Variants in SPOCK1 observed in about 807,000 individuals in gnomAD.
SPOCK1 encodes the protein testican-1.
SPOCK1 carries 23 observed loss-of-function variants against 55.3 expected under a neutral mutation model. The ratio of observed to expected loss-of-function variants is 0.42; its 90% CI spans 0.30 to 0.59. SPOCK1 has a LOEUF of 0.59. SPOCK1 is among the 20% of genes least tolerant of loss of function. SPOCK1 has a pLI of 0.22. For missense variants in SPOCK1, 499 were observed against 552.5 expected (o/e 0.90, Z 0.97); for synonymous variants, 226 against 221.0 (o/e 1.02, Z -0.20).
At chr5:137,269,210 G>A (rs1361565017) in intron 2 of SPOCK1, among the ~76,000 whole-genome samples, 1 of 152,222 alleles carries the variant, frequency 6.6e-6, no homozygotes, top group East Asian at 1.9e-4. Context: ...CTGCCAAAAT[G>A]TGAAAGTACA....
At chr5:137,125,394 G>A (rs1255333418) in intron 4 of SPOCK1, among the ~76,000 whole-genome samples, 1 of 152,160 alleles carries the variant, frequency 6.6e-6, no homozygotes, top group Non-Finnish European at 1.5e-5. Flanking sequence ...AACTGCTGTA[G>A]ATCAAATGTC....
At chr5:137,099,639 CAT>C (rs747639826) in intron 5 of SPOCK1, among the ~76,000 whole-genome samples, 4 of 150,304 alleles carry the variant, frequency 2.7e-5, no homozygotes, top group Admixed American at 1.3e-4. Context: ...TGTATATGTA[CAT>C]GTGTGTGTAT....
chr5:137,163,774 C>A (rs1214373422), intron 3 of SPOCK1, among the ~76,000 whole-genome samples: 1 of 152,154 alleles, frequency 6.6e-6, no homozygotes, highest in Non-Finnish European at 1.5e-5. Flanking sequence ...GAGCTAAGAT[C>A]AATCACTCAG....
chr5:137,420,523 T>C (rs980688320), intron 2 of SPOCK1, among the ~76,000 whole-genome samples: 7 of 152,208 alleles, frequency 4.6e-5, no homozygotes, highest in African/African-American at 1.4e-4. Context: ...GGTTTAGGCT[T>C]GGGAGTTTGT....
At chr5:137,304,429 A>G (rs1038317248) in intron 2 of SPOCK1, among the ~76,000 whole-genome samples, 3 of 152,172 alleles carry the variant, frequency 2.0e-5, no homozygotes, top group African/African-American at 7.2e-5. Flanking sequence ...TGAAGGGCAT[A>G]TGCTTTGCCA....
chr5:137,304,638 C>T (rs1757671323), intron 2 of SPOCK1, among the ~76,000 whole-genome samples: 1 of 152,128 alleles, frequency 6.6e-6, no homozygotes, highest in Admixed American at 6.5e-5. Flanking sequence ...GCAGCTTCCC[C>T]CCACTGGGTG....
intron 2 of SPOCK1, among the ~76,000 whole-genome samples, chr5:137,434,488 T>C (rs949467648): frequency 8.5e-6 from 1 of 117,580 alleles, no homozygotes; most frequent in Non-Finnish European, 1.8e-5. Flanking sequence ...TTCTTTTTTT[T>C]TTTTTTTTTT....
At chr5:137,099,388 G>A (rs1405929986) in intron 5 of SPOCK1, among the ~76,000 whole-genome samples, 1 of 152,070 alleles carries the variant, frequency 6.6e-6, no homozygotes, top group East Asian at 1.9e-4. Context: ...TTTCTGATTG[G>A]TTTATGTCTG....
At chr5:137,003,542 G>A (rs1029491634) in intron 6 of SPOCK1, among the ~76,000 whole-genome samples, 2 of 152,000 alleles carry the variant, frequency 1.3e-5, no homozygotes, top group African/African-American at 4.8e-5. Flanking sequence ...CTTGTTCCAG[G>A]GCCAATATAT....
intron 3 of SPOCK1, among the ~76,000 whole-genome samples, chr5:137,246,581 A>G (rs1756399328): frequency 6.6e-6 from 1 of 152,152 alleles, no homozygotes. Context: ...ACTGCTTCTC[A>G]TATCTCCAAT....
intron 2 of SPOCK1, among the ~76,000 whole-genome samples, chr5:137,291,449 T>C (rs560745267): frequency 6.6e-6 from 1 of 152,168 alleles, no homozygotes; most frequent in African/African-American, 2.4e-5. Context: ...ACCTGAAAGG[T>C]CAGTAAGATC....
At chr5:137,128,600 G>A (rs1354294541) in intron 4 of SPOCK1, among the ~76,000 whole-genome samples, 3 of 152,220 alleles carry the variant, frequency 2.0e-5, no homozygotes, top group Non-Finnish European at 4.4e-5. Context: ...GCAGCTTGAG[G>A]GCAGAGTGGC....
Position 137,356,875 on chromosome 5 carries a change from A to AGAGT in SPOCK1, c.187-89821_187-89820insACTC, listed in dbSNP as rs1160198739. On this transcript the variant is annotated intron_variant, in intron 2 of 10. Coordinates refer to ENST00000394945, the MANE Select transcript of SPOCK1 (RefSeq NM_004598.4). ...GAGAGAGAGAGAGAGAGAGAGAGAG[A>AGAGT]GTATGCAGACCAACCAGGGGGCCAG... 8.6e-5 allele frequency among the ~76,000 whole-genome samples: 11 copies of AGAGT among 127,682 alleles called. 1 individual carries two copies. Among genetic ancestry groups the AGAGT allele is most frequent in the African/African-American group, 3.0e-4 (10 of 33,384 alleles). 83.8% of individuals were successfully genotyped at this position (127,682 alleles called of 152,430 possible). A position where few individuals can be genotyped will look rare whatever the true frequency, so the allele number is the denominator to read the frequency against.
chr5:137,484,834 A>G (rs536346411), intron 2 of SPOCK1, among the ~76,000 whole-genome samples: 225 of 152,298 alleles, frequency 1.5e-3, no homozygotes, highest in African/African-American at 4.8e-3. Flanking sequence ...TAGCATATAC[A>G]CTCACTGGAT....
At chr5:137,261,085 T>A (rs529642205) in intron 3 of SPOCK1, among the ~76,000 whole-genome samples, 6 of 152,074 alleles carry the variant, frequency 3.9e-5, no homozygotes, top group African/African-American at 1.4e-4. Context: ...AATCCACAGC[T>A]CCAGGGATCA....
intron 2 of SPOCK1, among the ~76,000 whole-genome samples, chr5:137,349,467 G>A (rs1013463344): frequency 6.6e-6 from 1 of 152,244 alleles, no homozygotes; most frequent in African/African-American, 2.4e-5. Context: ...AGAGGCGGAA[G>A]ATCAAGCTTA....
chr5:137,138,182 G>A (rs531738353), intron 4 of SPOCK1, among the ~76,000 whole-genome samples: 26 of 152,300 alleles, frequency 1.7e-4, no homozygotes, highest in Admixed American at 1.4e-3. Context: ...GCCAACCTGG[G>A]AATTGAGCCC....
Position 137,005,256 on chromosome 5 carries a change from C to A in SPOCK1, c.590-12656G>T, listed in dbSNP as rs1033627986. On this transcript the variant is annotated intron_variant, in intron 6 of 10. Coordinates refer to ENST00000394945, the MANE Select transcript of SPOCK1 (RefSeq NM_004598.4). The stretch of plus-strand genomic sequence containing the variant: ...TCTATAAAGATAGCCTGGTTCTTCC[C>A]CTTCCATCCACAAGGCTTCCTTTTG... 3.3e-5 allele frequency among the ~76,000 whole-genome samples: 5 copies of A among 152,096 alleles called. No individual in the cohort carries two copies. In the East Asian group the frequency reaches 9.6e-4, roughly 29 times the overall value.
intron 2 of SPOCK1, among the ~76,000 whole-genome samples, chr5:137,366,860 T>G (rs1308863234): frequency 6.6e-6 from 1 of 152,190 alleles, no homozygotes; most frequent in Non-Finnish European, 1.5e-5. Flanking sequence ...ATGCTCCAGC[T>G]AAGTGTGGAC....
Sources: gnomAD v4.1 joint callset for allele counts (sites outside exome capture counted in the v4.1 genomes callset) on GRCh38, gnomAD v4.1.1 for gene constraint, MANE v1.5 for transcripts, NCBI Gene and HGNC (gene_info 2026-07-23, HGNC 2026-07-21) for gene names.